The following DNAJC5 variants were observed in gnomAD, a reference collection of about 807,000 sequenced individuals.
DNAJC5 encodes dnaJ homolog subfamily C member 5.
In DNAJC5, 1 loss-of-function variant was observed where a neutral mutation model predicts 23.2. The ratio of observed to expected loss-of-function variants is 0.04; its 90% CI spans 0.02 to 0.20. DNAJC5 has a LOEUF of 0.20. Among genes scored for constraint, DNAJC5 ranks in the 10% least tolerant of loss-of-function variants. The probability of loss-of-function intolerance (pLI) is 1.00; values close to 1 mark genes in which losing one functional copy is unlikely to be tolerated. For missense variants in DNAJC5, 180 were observed against 267.0 expected, an observed-to-expected ratio of 0.67 and a Z score of 2.27; for synonymous variants, 136 against 120.0, an observed-to-expected ratio of 1.13 and a Z score of -0.87.
rs2146311563 is a variant in DNAJC5 at position 63,932,915 on chromosome 20, C to G, written c.*1347C>G. On this transcript the variant is annotated 3_prime_UTR_variant, in exon 5 of 5. Transcript: ENST00000360864. This position sits in a 1 kb window ranked among gnomAD's most constrained non-coding sequence, Gnocchi z 4.4. ...ATGGGAAGTCAGTCTCTTGCGTGTC[C>G]TAGACCTTGTGGGTGGCGCCCTGCA... 6.6e-6 allele frequency: 1 copy of G among 152,628 alleles called. No individual in the cohort carries two copies. Among genetic ancestry groups the G allele is most frequent in the East Asian group, 1.9e-4 (1 of 5,320 alleles). 9.5% of individuals were successfully genotyped at this position (152,628 alleles called of 1,614,324 possible). A position where few individuals can be genotyped will look rare whatever the true frequency, so the allele number is the denominator to read the frequency against.
In DNAJC5 at chr20:63,929,108, C is replaced by G. The variant is rs997799275; in HGVS notation, c.108-204C>G. ...GGGGCTCCCTCCTCTGAGGCTGGGT[C>G]AGGGTGAGGAGGTTTACCTGAAACA... is the stretch of plus-strand genomic sequence containing the variant. On this transcript the variant is annotated intron_variant, in intron 2 of 4. Coordinates refer to ENST00000360864, the MANE Select transcript of DNAJC5 (RefSeq NM_025219.3). The surrounding 1 kb of genome is among the most constrained non-coding windows in gnomAD (Gnocchi z 8.6). Among the ~76,000 whole-genome samples the G allele has an allele frequency of 2.6e-5, 4 of 152,218 alleles. No individual in the cohort carries two copies. The highest frequency in any genetic ancestry group is 2.6e-4 in the Admixed American group (4 of 15,282).
rs1309978065 is a variant in DNAJC5 at position 63,920,369 on chromosome 20, G to A, written c.-11-7966G>A. 1.3e-5 allele frequency among the ~76,000 whole-genome samples: 2 copies of A among 152,250 alleles called. No individual in the cohort carries two copies. Among genetic ancestry groups the A allele is most frequent in the Non-Finnish European group, 2.9e-5 (2 of 68,046 alleles). ...CGTCGGACCGGGAAGTGTGGTGGGT[G>A]TGGTGGGGGAAGGGGCTGGCGTCAG... On this transcript the variant is annotated intron_variant, in intron 1 of 4. Transcript: ENST00000360864. This position sits in a 1 kb window ranked among gnomAD's most constrained non-coding sequence, Gnocchi z 4.6.
intron 1 of DNAJC5, among the ~76,000 whole-genome samples, chr20:63,898,718 G>T (rs2053390069): frequency 6.6e-6 from 1 of 152,180 alleles, no homozygotes; most frequent in South Asian, 2.1e-4. Flanking sequence ...GCGGGCACCT[G>T]TAATTCCAGC....
chr20:63,904,206 C>T (rs770343776), intron 1 of DNAJC5, among the ~76,000 whole-genome samples: 3 of 152,100 alleles, frequency 2.0e-5, no homozygotes, highest in East Asian at 1.9e-4. Flanking sequence ...TTTAGATTCT[C>T]GAGTATAAAG....
intron 1 of DNAJC5, among the ~76,000 whole-genome samples, chr20:63,917,486 C>G (rs1238502777): frequency 6.6e-6 from 1 of 152,122 alleles, no homozygotes; most frequent in African/African-American, 2.4e-5. Context: ...CTCCTGAGCT[C>G]AAGTGACATG....
chr20:63,914,401 C>T (rs1225883075), intron 1 of DNAJC5, among the ~76,000 whole-genome samples: 2 of 145,202 alleles, frequency 1.4e-5, no homozygotes, highest in Non-Finnish European at 3.0e-5. Context: ...TGCAAGCTCC[C>T]CCTCCTGGGT....
At chr20:63,901,032 G>A (rs978375417) in intron 1 of DNAJC5, among the ~76,000 whole-genome samples, 2 of 152,162 alleles carry the variant, frequency 1.3e-5, no homozygotes, top group East Asian at 1.9e-4. Flanking sequence ...TGGCACGATC[G>A]TGTCTCACTG....
chr20:63,914,818 GT>G lies in DNAJC5; in HGVS notation c.-11-13515del, dbSNP rs530071177. Among the ~76,000 whole-genome samples the G allele has an allele frequency of 9.2e-4, 140 of 151,986 alleles. 1 individual carries two copies. Among genetic ancestry groups the G allele is most frequent in the African/African-American group, 3.1e-3 (128 of 41,434 alleles). ...TTTAGCAGAGATGGGGTTTCACTGT[GT>G]TGCCCAGGCTGGTCTCAAACTCCTG... is the stretch of plus-strand genomic sequence containing the variant. On this transcript the variant is annotated intron_variant, in intron 1 of 4. Coordinates refer to ENST00000360864, the MANE Select transcript of DNAJC5 (RefSeq NM_025219.3).
chr20:63,923,407 A>C (rs914408785), intron 1 of DNAJC5, among the ~76,000 whole-genome samples: 4 of 151,574 alleles, frequency 2.6e-5, no homozygotes, highest in African/African-American at 9.7e-5. Flanking sequence ...GCACCACTGC[A>C]CTCCAGCCTG....
At position 63,929,702 on chromosome 20, in the gene DNAJC5, G is replaced by GTGCGGGCGCCCGAGTCACTCCTGCCA. The variant is rs2053648808; in HGVS notation, c.321+202_321+203insATGCGGGCGCCCGAGTCACTCCTGCC. Among the ~76,000 whole-genome samples the GTGCGGGCGCCCGAGTCACTCCTGCCA allele has an allele frequency of 2.0e-5, 3 of 148,248 alleles. No homozygotes were observed. Among genetic ancestry groups the GTGCGGGCGCCCGAGTCACTCCTGCCA allele is most frequent in the Non-Finnish European group, 3.0e-5 (2 of 67,276 alleles). On this transcript the variant is annotated intron_variant, in intron 3 of 4. Coordinates refer to ENST00000360864, the MANE Select transcript of DNAJC5 (RefSeq NM_025219.3). The surrounding 1 kb of genome is among the most constrained non-coding windows in gnomAD (Gnocchi z 8.6). ...TGCGGGCACCCGAGTCACTCCTGCC[G>GTGCGGGCGCCCGAGTCACTCCTGCCA]TGCGGGCGCCCGAGTCACTCCTGCC...
At chr20:63,907,258 A>G (rs1195147977) in intron 1 of DNAJC5, among the ~76,000 whole-genome samples, 1 of 152,146 alleles carries the variant, frequency 6.6e-6, no homozygotes, top group Admixed American at 6.6e-5. Flanking sequence ...TGGGAGGCTG[A>G]CTTTGATTTC....
At position 63,934,197 on chromosome 20, in the gene DNAJC5, T is replaced by C. The variant is rs1195994714; in HGVS notation, c.*2629T>C. On this transcript the variant is annotated 3_prime_UTR_variant, in exon 5 of 5. Transcript: ENST00000360864. Reference sequence around the variant, plus strand: ...TGTCTTAATTTAAGGAAAAAGATCCTCCCGGGTTTTATTTCTCTCTTTCTT... The same window carrying C: ...TGTCTTAATTTAAGGAAAAAGATCCCCCCGGGTTTTATTTCTCTCTTTCTT... The C allele has an allele frequency of 5.3e-5, 8 of 152,180 alleles. No individual in the cohort carries two copies. Among genetic ancestry groups the C allele is most frequent in the Admixed American group, 5.2e-4 (8 of 15,270 alleles). The allele number at this position is 152,180 out of a possible 1,614,324, so 9.4% of individuals were successfully genotyped here.
chr20:63,921,055 G>A (rs2053567395), intron 1 of DNAJC5, among the ~76,000 whole-genome samples: 1 of 152,022 alleles, frequency 6.6e-6, no homozygotes, highest in Admixed American at 6.6e-5. Context: ...CACCTCCCGG[G>A]TTCAAGTGAT....
chr20:63,927,291 C>A (rs956375622), intron 1 of DNAJC5, among the ~76,000 whole-genome samples: 1 of 152,066 alleles, frequency 6.6e-6, no homozygotes, highest in East Asian at 1.9e-4. Flanking sequence ...CTGAGGCAGG[C>A]GGATCACCTG....
intron 1 of DNAJC5, among the ~76,000 whole-genome samples, chr20:63,924,563 AAAAC>A (rs1293491064): frequency 2.0e-5 from 3 of 152,160 alleles, no homozygotes; most frequent in South Asian, 2.1e-4. Context: ...CTTAAAAACA[AAAAC>A]AAAAAACCGG....
intron 1 of DNAJC5, among the ~76,000 whole-genome samples, chr20:63,897,152 T>C (rs1001228538): frequency 6.6e-6 from 1 of 152,198 alleles, no homozygotes; most frequent in Non-Finnish European, 1.5e-5. Context: ...CTCAGCACTT[T>C]AGGAGGCTGA....
chr20:63,931,193 C>A lies in DNAJC5; in HGVS notation c.493+171C>A. 1 of 827,972 alleles carries A rather than the reference C, an allele frequency of 1.2e-6. No individual in the cohort carries two copies. The allele number at this position is 827,972 out of a possible 1,614,324, so 51.3% of individuals were successfully genotyped here. A position where few individuals can be genotyped will look rare whatever the true frequency, so the allele number is the denominator to read the frequency against. On this transcript the variant is annotated intron_variant, in intron 4 of 4. Coordinates refer to ENST00000360864, the MANE Select transcript of DNAJC5 (RefSeq NM_025219.3). The surrounding 1 kb of genome is among the most constrained non-coding windows in gnomAD (Gnocchi z 9.6). ...AACGTGGACCCTGAGGTAAAGCAGG[C>A]GCATAGAGCTGTCCCCGCCGTGACC... is the stretch of plus-strand genomic sequence containing the variant.
chr20:63,916,250 C>T (rs540939125), intron 1 of DNAJC5, among the ~76,000 whole-genome samples: 10 of 152,330 alleles, frequency 6.6e-5, no homozygotes, highest in Non-Finnish European at 1.5e-5. Flanking sequence ...GCCTGGTTAT[C>T]GGGGGAACCC....
At chr20:63,923,287 T>C (rs2053586466) in intron 1 of DNAJC5, among the ~76,000 whole-genome samples, 1 of 151,504 alleles carries the variant, frequency 6.6e-6, no homozygotes, top group Non-Finnish European at 1.5e-5. Context: ...ATAGAAAATT[T>C]TAAAGTTAGC....
Sources: allele counts gnomAD v4.1 joint callset (sites outside exome capture counted in the v4.1 genomes callset), GRCh38; gene constraint gnomAD v4.1.1; non-coding constraint Gnocchi (gnomAD v3.1); transcripts MANE v1.5; gene names NCBI Gene and HGNC (gene_info 2026-07-23, HGNC 2026-07-21).